Variants in KAZN observed in about 807,000 individuals in gnomAD.
KAZN encodes kazrin, periplakin interacting protein.
Under a neutral mutation model 87.4 loss-of-function variants are expected in KAZN, and 40 were observed. The ratio of observed to expected loss-of-function variants is 0.46; its 90% CI spans 0.36 to 0.60. KAZN has a LOEUF of 0.60. Ranked by LOEUF, KAZN falls within the 20% of genes least tolerant of loss-of-function variation. The pLI is 0.00. For missense variants in KAZN, 898 were observed against 1,073.9 expected (o/e 0.84, Z 2.29); for synonymous variants, 466 against 458.3 (o/e 1.02, Z -0.22).
intron 2 of KAZN, among the ~76,000 whole-genome samples, chr1:14,566,614 C>T (rs1278667416): frequency 6.6e-6 from 1 of 152,246 alleles, no homozygotes; most frequent in Non-Finnish European, 1.5e-5. Flanking sequence ...GCTATTTCAT[C>T]TACACTGAAA....
chr1:13,984,161 C>T (rs1395663139), intron 1 of KAZN, among the ~76,000 whole-genome samples: 1 of 152,152 alleles, frequency 6.6e-6, no homozygotes, highest in Non-Finnish European at 1.5e-5. Flanking sequence ...CAGGCGCCCG[C>T]CACCATGCCC....
intron 1 of KAZN, among the ~76,000 whole-genome samples, chr1:14,865,808 G>C (rs550849091): frequency 1.3e-5 from 2 of 152,298 alleles, no homozygotes; most frequent in Non-Finnish European, 2.9e-5. Flanking sequence ...CCCAAGGTCT[G>C]ATGTCCTGGT....
chr1:14,418,811 T>G (rs1198128240), intron 2 of KAZN, among the ~76,000 whole-genome samples: 1 of 152,176 alleles, frequency 6.6e-6, no homozygotes, highest in African/African-American at 2.4e-5. Flanking sequence ...CTACAGAGAA[T>G]CCCTCAGAGT....
At chr1:14,774,927 G>A (rs78300792) in intron 1 of KAZN, among the ~76,000 whole-genome samples, 3,700 of 152,218 alleles carry the variant, frequency 0.024, 61 homozygotes, top group Non-Finnish European at 0.037. Context: ...TTACGGTATC[G>A]ATTGAGAGCC....
chr1:14,879,700 C>A (rs1653129413), intron 1 of KAZN, among the ~76,000 whole-genome samples: 1 of 152,154 alleles, frequency 6.6e-6, no homozygotes, highest in Non-Finnish European at 1.5e-5. Context: ...ACCAACTGGG[C>A]TCCAGAATGA....
At position 14,434,393 on chromosome 1, in the gene KAZN, T is replaced by A. The variant is rs1019294051; in HGVS notation, c.250-164590T>A. Among the ~76,000 whole-genome samples the A allele has an allele frequency of 2.6e-5, 4 of 152,342 alleles. No individual in the cohort carries two copies. In the East Asian group the frequency reaches 5.8e-4, roughly 22 times the overall value. On this transcript the variant is annotated intron_variant, in intron 2 of 16. Transcript: ENST00000636203. ...GCCATGTTTCATGTCTCTTTGGTAG[T>A]TTAATGATGGGAATTCTCATGAAGG...
chr1:14,108,106 G>T (rs535939580), intron 1 of KAZN, among the ~76,000 whole-genome samples: 2 of 152,208 alleles, frequency 1.3e-5, no homozygotes, highest in African/African-American at 4.8e-5. Context: ...TGCTCTAGAA[G>T]CTTGCCGTGG....
intron 1 of KAZN, among the ~76,000 whole-genome samples, chr1:14,794,146 G>A (rs947463313): frequency 1.3e-5 from 2 of 152,158 alleles, no homozygotes; most frequent in East Asian, 3.9e-4. Context: ...ACTCTCCACC[G>A]GTTCTTCTAG....
At chr1:14,263,987 C>T (rs1374212865) in intron 2 of KAZN, among the ~76,000 whole-genome samples, 1 of 152,208 alleles carries the variant, frequency 6.6e-6, no homozygotes, top group Non-Finnish European at 1.5e-5. Flanking sequence ...TTTTTAATAT[C>T]TCCCCTGTTG....
intron 2 of KAZN, among the ~76,000 whole-genome samples, chr1:14,258,487 G>A (rs1041798043): frequency 2.0e-5 from 3 of 149,690 alleles, no homozygotes; most frequent in Admixed American, 6.7e-5. Context: ...CACCTGCCTC[G>A]GCCTCCCAAA....
chr1:14,413,040 G>C (rs1049137188), intron 2 of KAZN, among the ~76,000 whole-genome samples: 1 of 148,322 alleles, frequency 6.7e-6, no homozygotes, highest in Non-Finnish European at 1.5e-5. Flanking sequence ...ATATTACATA[G>C]GATTAAATCT....
intron 1 of KAZN, among the ~76,000 whole-genome samples, chr1:14,171,986 C>A (rs893238812): frequency 2.2e-5 from 2 of 92,418 alleles, no homozygotes; most frequent in African/African-American, 7.7e-5. Flanking sequence ...TCTGCCAACT[C>A]ATGAATGTAC....
chr1:14,280,248 G>C (rs1354861693), intron 2 of KAZN, among the ~76,000 whole-genome samples: 2 of 151,734 alleles, frequency 1.3e-5, no homozygotes, highest in African/African-American at 2.4e-5. Context: ...TGTAGTCCCA[G>C]CTACTCAGGA....
chr1:14,252,781 AG>A (rs1362523756), intron 2 of KAZN, among the ~76,000 whole-genome samples: 1 of 152,220 alleles, frequency 6.6e-6, no homozygotes, highest in East Asian at 1.9e-4. Context: ...CCACGTCTCA[AG>A]GGCCTAACAC....
At chr1:14,911,224 C>T (rs943073544) in intron 1 of KAZN, among the ~76,000 whole-genome samples, 1 of 152,254 alleles carries the variant, frequency 6.6e-6, no homozygotes, top group Non-Finnish European at 1.5e-5. Flanking sequence ...TGAACCCTTG[C>T]CCAGCTCTGT....
At chr1:14,285,525 G>C (rs1249487326) in intron 2 of KAZN, among the ~76,000 whole-genome samples, 1 of 152,208 alleles carries the variant, frequency 6.6e-6, no homozygotes, top group Admixed American at 6.5e-5. Flanking sequence ...AGCACATGCA[G>C]TGTTTGTCTT....
chr1:14,003,156 G>A (rs1639874850), intron 1 of KAZN, among the ~76,000 whole-genome samples: 1 of 151,926 alleles, frequency 6.6e-6, no homozygotes, highest in African/African-American at 2.4e-5. Flanking sequence ...TGAACAATGA[G>A]AACACATGGA....
intron 2 of KAZN, among the ~76,000 whole-genome samples, chr1:14,967,461 T>A (rs914484342): frequency 6.6e-6 from 1 of 152,212 alleles, no homozygotes; most frequent in Non-Finnish European, 1.5e-5. Context: ...AGAATAATGA[T>A]GTCCCCCTCT....
chr1:14,282,603 C>G (rs2100719821), intron 2 of KAZN, among the ~76,000 whole-genome samples: 1 of 152,324 alleles, frequency 6.6e-6, no homozygotes, highest in South Asian at 2.1e-4. Flanking sequence ...GGGCTGTGAA[C>G]AGCCTTGCCT....
Sources: allele counts gnomAD v4.1 joint callset (sites outside exome capture counted in the v4.1 genomes callset), GRCh38; gene constraint gnomAD v4.1.1; transcripts MANE v1.5; gene names NCBI Gene and HGNC (gene_info 2026-07-23, HGNC 2026-07-21).